TSPAN5: variants seen among roughly 807,000 people sequenced by gnomAD.
TSPAN5 encodes tetraspanin 5, also known as tetraspanin-5.
A neutral mutation model predicts 37.1 loss-of-function variants in TSPAN5; 10 were observed. The ratio of observed to expected loss-of-function variants is 0.27; its 90% confidence interval spans 0.17 to 0.46. The LOEUF is 0.46. TSPAN5 is among the 20% of genes least tolerant of loss of function. TSPAN5 has a pLI of 1.00. For missense variants in TSPAN5, 195 were observed against 326.6 expected (o/e 0.60, Z 3.11); for synonymous variants, 110 against 118.9 (o/e 0.93, Z 0.48).
intron 1 of TSPAN5, among the ~76,000 whole-genome samples, chr4:98,629,527 T>C (rs1002889610): frequency 6.6e-6 from 1 of 152,244 alleles, no homozygotes; most frequent in Admixed American, 6.5e-5. Flanking sequence ...GTTTGCAGAA[T>C]GAAGCAGTCT....
chr4:98,546,247 T>C (rs1299280828), intron 1 of TSPAN5, among the ~76,000 whole-genome samples: 1 of 152,184 alleles, frequency 6.6e-6, no homozygotes, highest in African/African-American at 2.4e-5. Context: ...CACTATGCTC[T>C]ACTCCCTCCA....
chr4:98,472,406 G>A lies in TSPAN5; in HGVS notation c.*116C>T, dbSNP rs761638557. The stretch of plus-strand genomic sequence containing the variant: ...TCCCCTAATGGCAGCTCCATTAGGC[G>A]AGACTGCAGGCTGCATCTGTGATTA... On this transcript the variant is annotated 3_prime_UTR_variant, in exon 8 of 8. Transcript: ENST00000305798. The A allele has an allele frequency of 4.7e-5, 38 of 810,098 alleles. No homozygotes were observed. Among genetic ancestry groups the A allele is most frequent in the Non-Finnish European group, 6.9e-5 (35 of 506,554 alleles). The allele number at this position is 810,098 out of a possible 1,614,324, so 50.2% of individuals were successfully genotyped here.
chr4:98,640,009 G>A (rs1756929637), intron 1 of TSPAN5, among the ~76,000 whole-genome samples: 2 of 152,096 alleles, frequency 1.3e-5, no homozygotes, highest in African/African-American at 4.8e-5. Flanking sequence ...AAGGGAGGGA[G>A]CTTTCCTTTA....
At chr4:98,490,486 T>C (rs962816302) in intron 2 of TSPAN5, among the ~76,000 whole-genome samples, 5 of 152,138 alleles carry the variant, frequency 3.3e-5, no homozygotes, top group African/African-American at 4.8e-5. Flanking sequence ...ACAACAATCA[T>C]TGGGGGGCTG....
chr4:98,600,940 T>C (rs554625584), intron 1 of TSPAN5, among the ~76,000 whole-genome samples: 2 of 152,350 alleles, frequency 1.3e-5, no homozygotes, highest in South Asian at 4.1e-4. Flanking sequence ...CCTTGATTCA[T>C]GGACTACAGA....
intron 1 of TSPAN5, among the ~76,000 whole-genome samples, chr4:98,551,993 T>C (rs984023099): frequency 6.6e-6 from 1 of 152,130 alleles, no homozygotes; most frequent in Non-Finnish European, 1.5e-5. Context: ...TGTGAGCATA[T>C]AGTTGTTAAT....
chr4:98,652,948 G>T (rs578173410), intron 1 of TSPAN5, among the ~76,000 whole-genome samples: 183 of 152,196 alleles, frequency 1.2e-3, no homozygotes, highest in South Asian at 5.0e-3. Context: ...ATGCTTCTGC[G>T]CCTTCATACT....
At chr4:98,616,860 C>A (rs1756352436) in intron 1 of TSPAN5, among the ~76,000 whole-genome samples, 2 of 129,500 alleles carry the variant, frequency 1.5e-5, no homozygotes, top group Non-Finnish European at 3.2e-5. Flanking sequence ...TTGAGAAGCT[C>A]CACGTAAATT....
At chr4:98,655,740 C>A (rs1337075898) in intron 1 of TSPAN5, among the ~76,000 whole-genome samples, 1 of 152,184 alleles carries the variant, frequency 6.6e-6, no homozygotes, top group African/African-American at 2.4e-5. Flanking sequence ...AGCAAGCTGC[C>A]AAGCTACTGA....
At chr4:98,484,491 G>T in intron 3 of TSPAN5, 1 of 455,820 alleles carries the variant, frequency 2.2e-6, no homozygotes, top group Non-Finnish European at 4.4e-6. Context: ...TAAAAGCCAA[G>T]AAACAACACA....
chr4:98,627,107 G>A (rs904433994), intron 1 of TSPAN5, among the ~76,000 whole-genome samples: 1 of 152,016 alleles, frequency 6.6e-6, no homozygotes, highest in Non-Finnish European at 1.5e-5. Context: ...CACTAGTGGG[G>A]TTTTCAAGGA....
chr4:98,567,104 A>C (rs1335257882), intron 1 of TSPAN5, among the ~76,000 whole-genome samples: 1 of 152,228 alleles, frequency 6.6e-6, no homozygotes, highest in Non-Finnish European at 1.5e-5. Context: ...AAATTTGAAT[A>C]AGTCTCTCCA....
intron 1 of TSPAN5, among the ~76,000 whole-genome samples, chr4:98,545,728 C>T (rs557343597): frequency 6.6e-6 from 1 of 152,256 alleles, no homozygotes; most frequent in South Asian, 2.1e-4. Context: ...GGCAGGGTTT[C>T]ACCATGTTGC....
At chr4:98,621,528 C>T (rs867138660) in intron 1 of TSPAN5, among the ~76,000 whole-genome samples, 17 of 151,934 alleles carry the variant, frequency 1.1e-4, no homozygotes, top group Admixed American at 6.6e-4. Flanking sequence ...CCACCACGTC[C>T]GGCTAATTTT....
At chr4:98,515,511 G>A (rs1753707819) in intron 1 of TSPAN5, among the ~76,000 whole-genome samples, 1 of 143,608 alleles carries the variant, frequency 7.0e-6, no homozygotes, top group Non-Finnish European at 1.5e-5. Flanking sequence ...AGTGATCAGA[G>A]GCTCTCTCTC....
chr4:98,497,966 T>C (rs1174503215), intron 2 of TSPAN5, among the ~76,000 whole-genome samples: 1 of 152,254 alleles, frequency 6.6e-6, no homozygotes, highest in South Asian at 2.1e-4. Flanking sequence ...CTGAGGGCAT[T>C]TGGAGCAGAG....
At chr4:98,483,013 A>T (rs1430674103) in intron 3 of TSPAN5, 3 of 152,250 alleles carry the variant, frequency 2.0e-5, no homozygotes, top group African/African-American at 4.8e-5. Flanking sequence ...GAAGACTCAG[A>T]AGAGTCTCAG....
intron 1 of TSPAN5, among the ~76,000 whole-genome samples, chr4:98,616,743 T>G (rs1756348145): frequency 6.6e-6 from 1 of 152,144 alleles, no homozygotes; most frequent in Non-Finnish European, 1.5e-5. Flanking sequence ...CCAGTATTGT[T>G]CCAACAACAA....
At chr4:98,638,355 C>T (rs1351043975) in intron 1 of TSPAN5, among the ~76,000 whole-genome samples, 1 of 152,108 alleles carries the variant, frequency 6.6e-6, no homozygotes, top group Non-Finnish European at 1.5e-5. Context: ...GCCTGTGAAG[C>T]CTTCATCAGG....
Sources: gnomAD v4.1 joint callset for allele counts (sites outside exome capture counted in the v4.1 genomes callset) on GRCh38, gnomAD v4.1.1 for gene constraint, MANE v1.5 for transcripts, NCBI Gene and HGNC (gene_info 2026-07-23, HGNC 2026-07-21) for gene names.